HIVEP1: variants seen among roughly 807,000 people sequenced by gnomAD.
HIVEP1 encodes the protein HIVEP zinc finger 1, also known as zinc finger protein 40.
Under a neutral mutation model 180.0 loss-of-function variants are expected in HIVEP1, and 36 were observed. The ratio of observed to expected loss-of-function variants is 0.20; its 90% confidence interval spans 0.15 to 0.26. The LOEUF (loss-of-function observed/expected upper bound fraction) is 0.26. HIVEP1 is among the 10% of genes least tolerant of loss of function. The pLI, the probability that HIVEP1 is intolerant of heterozygous loss-of-function variation, is 1.00. For missense variants in HIVEP1, 3,143 were observed against 3,268.7 expected (o/e 0.96, Z 0.94); for synonymous variants, 1,239 against 1,239.0 (o/e 1.00, Z 0.00).
chr6:12,161,314 G>T (rs1221077436), intron 7 of HIVEP1, 125 bp from the exon 8 acceptor site: 10 of 900,232 alleles, frequency 1.1e-5, no homozygotes, highest in East Asian at 2.4e-5. Flanking sequence ...GCGGAGGCTC[G>T]TTGTGGGCAG....
downstream of HIVEP1, among the ~76,000 whole-genome samples, chr6:12,168,221 T>TATATAC (rs1760796915): frequency 1.6e-5 from 1 of 60,614 alleles, no homozygotes; most frequent in African/African-American, 6.3e-5. Flanking sequence ...CATATATACA[T>TATATAC]ATATTATATA....
At chr6:12,020,218 C>G (rs1346853030) in intron 2 of HIVEP1, 2 of 435,066 alleles carry the variant, frequency 4.6e-6, no homozygotes, top group African/African-American at 2.0e-5. Context: ...CAGATAGAAT[C>G]AGTTCTCCAT....
At chr6:12,061,836 T>A (rs79088963) in intron 2 of HIVEP1, among the ~76,000 whole-genome samples, 1 of 152,024 alleles carries the variant, frequency 6.6e-6, no homozygotes, top group East Asian at 1.9e-4. Flanking sequence ...AGCTACAGTT[T>A]AAAAAAAATT....
rs1421967844 is a variant in HIVEP1 at position 12,123,660 on chromosome 6, A to C, written c.3865A>C (p.Ile1289Leu). Residue 1289 changes from isoleucine to leucine, a missense_variant, in exon 4 of 9, where the codon ATA becomes CTA. This residue lies in a region of HIVEP1 where 1,357 missense variants were observed against 1,260.5 expected (regional missense o/e 1.08). Transcript: ENST00000379388. ...PKKKRLRLAE[I>L]EHSSTESSFD... is the part of the protein sequence containing the mutation. ...AAAGAAAAGGCTCCGTCTGGCTGAG[A>C]TAGAACATTCCTCAACAGAATCGAG... is the stretch of plus-strand genomic sequence containing the variant. The C allele has an allele frequency of 6.2e-7, 1 of 1,614,078 alleles. No homozygotes were observed. Among genetic ancestry groups the C allele is most frequent in the East Asian group, 2.2e-5 (1 of 44,884 alleles).
At chr6:12,025,580 A>G (rs1768527128) in intron 2 of HIVEP1, among the ~76,000 whole-genome samples, 1 of 152,218 alleles carries the variant, frequency 6.6e-6, no homozygotes, top group Non-Finnish European at 1.5e-5. Context: ...GAAGGCTTAG[A>G]AAATATTTCT....
chr6:12,120,496 C>A lies in HIVEP1; in HGVS notation c.701C>A (p.Pro234His), dbSNP rs764587361. 5.6e-6 allele frequency: 9 copies of A among 1,614,138 alleles called. No individual in the cohort carries two copies. The highest frequency in any genetic ancestry group is 1.1e-5 in the South Asian group (1 of 91,072). Residue 234 changes from proline to histidine, a missense_variant, in exon 4 of 9, where the codon CCC becomes CAC. Pro to His is a moderately conservative substitution (Grantham distance 77). Coordinates refer to ENST00000379388, the MANE Select transcript of HIVEP1 (RefSeq NM_002114.4). ...LRPNKTARSP[P>H]KLKNSSMDAP... ...CCAAATAAAACTGCACGTTCCCCTC[C>A]CAAATTAAAAAACAGTTCAATGGAT...
chr6:12,013,883 A>G, intron 1 of HIVEP1, among the ~76,000 whole-genome samples: 1 of 152,230 alleles, frequency 6.6e-6, no homozygotes, highest in East Asian at 1.9e-4. Context: ...TGCTGAGCTG[A>G]CATACAGCCA....
At chr6:12,117,428 G>A (rs1775285956) in intron 3 of HIVEP1, among the ~76,000 whole-genome samples, 1 of 152,126 alleles carries the variant, frequency 6.6e-6, no homozygotes, top group South Asian at 2.1e-4. Context: ...TAGATTTATA[G>A]AAAATAGTTT....
At chr6:12,196,625 A>ATCCT in the HIVEP1 span, among the ~76,000 whole-genome samples, 1 of 152,136 alleles carries the variant, frequency 6.6e-6, no homozygotes, top group African/African-American at 2.4e-5. Flanking sequence ...TGCTTCAAAA[A>ATCCT]TCCTTCCTTC....
chr6:12,009,224 C>T (rs1262190279), upstream of HIVEP1, among the ~76,000 whole-genome samples: 1 of 148,998 alleles, frequency 6.7e-6, no homozygotes, highest in Non-Finnish European at 1.5e-5. Flanking sequence ...CCCGGCCGGG[C>T]GGCCGCGTGG....
chr6:12,056,214 C>T (rs957867424), intron 2 of HIVEP1, among the ~76,000 whole-genome samples: 5 of 151,970 alleles, frequency 3.3e-5, no homozygotes, highest in Non-Finnish European at 2.9e-5. Context: ...GAAATAGGAT[C>T]AATAAATTAC....
chr6:12,048,447 A>AT (rs1315311465), intron 2 of HIVEP1, among the ~76,000 whole-genome samples: 1 of 152,230 alleles, frequency 6.6e-6, no homozygotes, highest in African/African-American at 2.4e-5. Context: ...CTCTCCAGCA[A>AT]TTCTTGGCCT....
rs747861334 is a variant in HIVEP1, at chr6:12,163,878, T to C, written c.7574T>C (p.Leu2525Pro). 6.2e-7 allele frequency: 1 copy of C among 1,614,184 alleles called. No homozygotes were observed. The highest frequency in any genetic ancestry group is 2.2e-5 in the East Asian group (1 of 44,876). The change falls in exon 9 of 9, where the codon CTG (leucine) becomes CCG (proline). Residue 2525 changes from leucine (L) to proline (P), a missense_variant. Coordinates refer to ENST00000379388, the MANE Select transcript of HIVEP1 (RefSeq NM_002114.4). Reference protein sequence around the residue: ...LALNAVGLQVLTANPSSQSSP... With the variant: ...LALNAVGLQVPTANPSSQSSP... The stretch of plus-strand genomic sequence containing the variant: ...CTGAATGCTGTCGGACTGCAGGTTC[T>C]GACTGCAAACCCTTCATCACAAAGC...
the HIVEP1 span, among the ~76,000 whole-genome samples, chr6:12,175,506 A>G: frequency 2.0e-5 from 3 of 152,374 alleles, no homozygotes; most frequent in South Asian, 4.1e-4. Context: ...GCTTTCCAAT[A>G]GAACAGATAC....
At position 12,120,866 on chromosome 6, in the gene HIVEP1, T is replaced by C. The variant is rs1408800207; in HGVS notation, c.1071T>C (p.Pro357=). The change falls in exon 4 of 9, where the codon CCT becomes CCC. Residue 357 remains proline (P), a synonymous_variant. Transcript: ENST00000379388. The stretch of plus-strand genomic sequence containing the variant: ...ACCAGCAAATGGATTCTGCTTCACC[T>C]TTGTCAATAAGTCCGGCTAATTCTA... ...PQNQQMDSAS[P]LSISPANSTQ... is the part of the protein sequence containing the mutation. 6.2e-7 allele frequency: 1 copy of C among 1,614,082 alleles called. No homozygotes were observed. The highest frequency in any genetic ancestry group is 1.7e-5 in the Admixed American group (1 of 60,008).
At chr6:12,099,183 G>GTT (rs66482971) in intron 3 of HIVEP1, among the ~76,000 whole-genome samples, 2,011 of 138,412 alleles carry the variant, frequency 0.015, 41 homozygotes, top group African/African-American at 0.039. Context: ...ATGTCACTGA[G>GTT]TTTTTTTTTT....
At chr6:12,163,178 T>C (rs1760512254) in intron 8 of HIVEP1, 105 bp from the exon 9 acceptor site, 2 of 865,804 alleles carry the variant, frequency 2.3e-6, no homozygotes. Flanking sequence ...AATGCAAATA[T>C]ACTTACTTTT....
At chr6:12,197,384 C>G in the HIVEP1 span, among the ~76,000 whole-genome samples, 3 of 151,604 alleles carry the variant, frequency 2.0e-5, no homozygotes, top group African/African-American at 4.8e-5. Flanking sequence ...ATGGCGAAAC[C>G]CCGTCTCTAC....
intron 2 of HIVEP1, among the ~76,000 whole-genome samples, chr6:12,070,923 C>A (rs570010615): frequency 1.3e-5 from 2 of 152,290 alleles, no homozygotes; most frequent in Admixed American, 1.3e-4. Flanking sequence ...AGAATGAGAA[C>A]AAAGCACTCC....
Sources: gnomAD v4.1 joint callset for allele counts (sites outside exome capture counted in the v4.1 genomes callset) on GRCh38, gnomAD v4.1.1 for gene constraint, gnomAD v4.1.1 regional missense constraint, MANE v1.5 for transcripts, NCBI Gene and HGNC (gene_info 2026-07-23, HGNC 2026-07-21) for gene names.